SMPD4: variants seen among roughly 807,000 people sequenced by gnomAD.
SMPD4 encodes the protein sphingomyelin phosphodiesterase 4, also known as neutral sphingomyelinase 3.
A neutral mutation model predicts 97.8 loss-of-function variants in SMPD4; 58 were observed. The observed-to-expected ratio is 0.59, with a 90% CI of 0.48 to 0.74. The LOEUF is 0.74. SMPD4 is among the 30% of genes least tolerant of loss of function. The pLI is 0.00. For synonymous variants in SMPD4, 388 were observed against 450.0 expected, an observed-to-expected ratio of 0.86 and a Z score of 1.74; for missense variants, 853 against 1,080.5, an observed-to-expected ratio of 0.79 and a Z score of 2.95.
In SMPD4 at chr2:130,153,123, C is replaced by T; in HGVS notation, c.2074G>A (p.Glu692Lys). ...RFEIEYQGDPELQPIRSYEIA... is the reference protein window; with the variant it reads ...RFEIEYQGDPKLQPIRSYEIA... ...TCATAGCTCCGGATGGGCTGCAGCT[C>T]CGGGTCCCCCTGGTACTCAATTTCA... is the stretch of plus-strand genomic sequence containing the variant. Residue 692 changes from glutamate (E) to lysine (K), a missense_variant, in exon 19 of 20, where the codon GAG (glutamate) becomes AAG (lysine). Physicochemically the swap from Glu to Lys is moderately conservative, Grantham distance 56. Coordinates refer to ENST00000680298, the MANE Select transcript of SMPD4 (RefSeq NM_017951.5). 6.2e-7 allele frequency: 1 copy of T among 1,613,870 alleles called. No individual in the cohort carries two copies. The highest frequency in any genetic ancestry group is 8.5e-7 in the Non-Finnish European group (1 of 1,180,010).
At chr2:130,166,233 T>C (rs1322437962) in intron 9 of SMPD4, among the ~76,000 whole-genome samples, 1 of 137,716 alleles carries the variant, frequency 7.3e-6, no homozygotes, top group Non-Finnish European at 1.5e-5. Flanking sequence ...CACCTGAACC[T>C]GAGAGGTGAA....
chr2:130,176,313 T>C (rs1438754081), intron 2 of SMPD4, among the ~76,000 whole-genome samples: 3 of 152,240 alleles, frequency 2.0e-5, no homozygotes, highest in African/African-American at 4.8e-5. Context: ...CCTTGGGAAG[T>C]AGAGAAAATA....
upstream of SMPD4, chr2:130,181,684 G>A (rs956576165): frequency 6.5e-7 from 1 of 1,548,488 alleles, no homozygotes; most frequent in Non-Finnish European, 8.7e-7. Context: ...AAAGGCGCGT[G>A]CGCAAAGCGA....
At chr2:130,172,192 C>T (rs957261275) in intron 8 of SMPD4, among the ~76,000 whole-genome samples, 157 bp downstream of exon 8, 1 of 152,356 alleles carries the variant, frequency 6.6e-6, no homozygotes, top group East Asian at 1.9e-4. Flanking sequence ...ATACCCCACC[C>T]TCCAGTCTGT....
At position 130,152,882 on chromosome 2, in the gene SMPD4, A is replaced by G. The variant is rs760331169; in HGVS notation, c.2157T>C (p.Phe719=). The G allele has an allele frequency of 7.0e-6, 11 of 1,581,392 alleles. No homozygotes were observed. The highest frequency in any genetic ancestry group is 3.5e-4 in the Middle Eastern group (2 of 5,788). The change falls in exon 20 of 20, where the codon TTT becomes TTC. Residue 719 remains phenylalanine, a splice_region_variant and synonymous_variant. Transcript: ENST00000680298. The part of the protein sequence containing the change: ...FRLSSAINHR[F]AGQMAALCSR... ...AACACAGAGCCGCCATCTGTCCTGC[A>G]AACTGAAGCACAGACAGAGGCACGG...
At chr2:130,163,836 G>A (rs1206741290) in intron 10 of SMPD4, among the ~76,000 whole-genome samples, 1 of 152,222 alleles carries the variant, frequency 6.6e-6, no homozygotes, top group Non-Finnish European at 1.5e-5. Context: ...AGGGACAGGC[G>A]AGGCGGAGGG....
chr2:130,169,319 C>T (rs1273571141), intron 8 of SMPD4, among the ~76,000 whole-genome samples: 3 of 152,190 alleles, frequency 2.0e-5, no homozygotes, highest in Non-Finnish European at 4.4e-5. Context: ...AACATCACTG[C>T]ACACAGTGTG....
Position 130,154,298 on chromosome 2 carries a change from A to T in SMPD4, c.1638T>A (p.Phe546Leu), listed in dbSNP as rs1283715394. ...EGQDCKYTPMFGPEARTLVLR... is the reference protein window; with the variant it reads ...EGQDCKYTPMLGPEARTLVLR... ...TCACCAGGGTGCGGGCCTCGGGCCC[A>T]AACATCGGGGTGTACTTGCAGTCCT... The change falls in exon 16 of 20, where the codon TTT becomes TTA. Residue 546 changes from phenylalanine to leucine, a missense_variant. Physicochemically the swap from Phe to Leu is conservative, Grantham distance 22. This residue lies in a region of SMPD4 where 511 missense variants were observed against 608.1 expected (regional missense o/e 0.84). Coordinates refer to ENST00000680298, the MANE Select transcript of SMPD4 (RefSeq NM_017951.5). 6.2e-7 allele frequency: 1 copy of T among 1,607,840 alleles called. No homozygotes were observed. Among genetic ancestry groups the T allele is most frequent in the Non-Finnish European group, 8.5e-7 (1 of 1,176,678 alleles).
chr2:130,170,969 G>C (rs956928004), intron 8 of SMPD4, among the ~76,000 whole-genome samples: 1 of 151,836 alleles, frequency 6.6e-6, no homozygotes, highest in African/African-American at 2.4e-5. Context: ...GCTGAGGTGG[G>C]AGAATCACTT....
rs373022859 is a variant in SMPD4 at position 130,172,476 on chromosome 2, G to C, written c.532C>G (p.Arg178Gly). The change falls in exon 8 of 20, where the codon CGT (arginine) becomes GGT (glycine). Residue 178 changes from arginine (R) to glycine (G), a missense_variant. Physicochemically the swap from Arg to Gly is moderately radical, Grantham distance 125. Coordinates refer to ENST00000680298, the MANE Select transcript of SMPD4 (RefSeq NM_017951.5). ...QKPLPVSLHV[R>G]TSDCAYFILV... ...ATGAAATAGGCACAGTCTGAAGTACGGACGTGGAGGGACACAGGAAGTGGC... is the reference window on the plus strand; with the variant it reads ...ATGAAATAGGCACAGTCTGAAGTACCGACGTGGAGGGACACAGGAAGTGGC... 14 of 1,611,334 alleles carry C rather than the reference G, an allele frequency of 8.7e-6. No individual in the cohort carries two copies. The highest frequency in any genetic ancestry group is 1.2e-5 in the Non-Finnish European group (14 of 1,178,220).
chr2:130,176,043 A>C (rs1258902971), intron 2 of SMPD4, among the ~76,000 whole-genome samples: 1 of 151,678 alleles, frequency 6.6e-6, no homozygotes, highest in African/African-American at 2.4e-5. Flanking sequence ...GGCTGGTCTC[A>C]AACTCTTGGG....
At position 130,154,409 on chromosome 2, in the gene SMPD4, G is replaced by T. The variant is rs1385336880; in HGVS notation, c.1527C>A (p.Phe509Leu). 6.3e-7 allele frequency: 1 copy of T among 1,597,798 alleles called. No homozygotes were observed. The highest frequency in any genetic ancestry group is 1.3e-5 in the African/African-American group (1 of 74,312). ...RQHRLFTAPT[F>L]TGSFLSPWPP... ...GCCAGGGTGACAGGAAGCTCCCAGT[G>T]AATGTGGGGGCCGTGAAGAGTCGGT... The change falls in exon 16 of 20, where the codon TTC becomes TTA. Residue 509 changes from phenylalanine (F) to leucine (L), a missense_variant. By Grantham distance (22) the Phe-to-Leu change is conservative. Around this residue, in one of 3 missense-constraint regions of SMPD4, gnomAD observed 511 missense variants for 608.1 expected, o/e 0.84. Transcript: ENST00000680298.
chr2:130,173,684 G>A, intron 3 of SMPD4, 28 bp from the exon 4 acceptor site: 1 of 1,613,322 alleles, frequency 6.2e-7, no homozygotes, highest in East Asian at 2.2e-5. Flanking sequence ...GAAGCCGCGT[G>A]CAGGACCAGC....
At chr2:130,155,395 G>C in intron 14 of SMPD4, 136 bp from the exon 15 acceptor site, 1 of 1,222,272 alleles carries the variant, frequency 8.2e-7, no homozygotes, top group Non-Finnish European at 1.1e-6. Context: ...AGCTGTCACA[G>C]ATGACAGCTC....
chr2:130,152,939 G>C, intron 19 of SMPD4, 55 bp from the exon 20 acceptor site: 1 of 1,560,010 alleles, frequency 6.4e-7, no homozygotes, highest in South Asian at 1.2e-5. Context: ...CAGGCCTCAG[G>C]ACAGCAGTAC....
chr2:130,154,658 G>T (rs905789179), intron 15 of SMPD4, 176 bp from the exon 16 acceptor site: 5 of 760,296 alleles, frequency 6.6e-6, no homozygotes, highest in Middle Eastern at 3.3e-4. Context: ...TGGGGAGGGC[G>T]GATGGGGGAG....
chr2:130,162,910 G>A (rs947871618), intron 10 of SMPD4, among the ~76,000 whole-genome samples: 3 of 152,224 alleles, frequency 2.0e-5, no homozygotes, highest in Non-Finnish European at 4.4e-5. Context: ...CCACCCCAAG[G>A]TCTGGCCAAG....
intron 8 of SMPD4, among the ~76,000 whole-genome samples, chr2:130,169,297 G>A (rs1029430815): frequency 6.6e-6 from 1 of 152,174 alleles, no homozygotes; most frequent in African/African-American, 2.4e-5. Flanking sequence ...TATACAGTGG[G>A]TGAGCCTGTG....
intron 9 of SMPD4, among the ~76,000 whole-genome samples, chr2:130,166,342 G>C (rs1355343283): frequency 6.8e-6 from 1 of 147,422 alleles, no homozygotes; most frequent in South Asian, 2.2e-4. Context: ...AAATGCTTTG[G>C]CCCAGGGAAC....
Sources: gnomAD v4.1 joint callset for allele counts (sites outside exome capture counted in the v4.1 genomes callset) on GRCh38, gnomAD v4.1.1 for gene constraint, gnomAD v4.1.1 regional missense constraint, MANE v1.5 for transcripts, NCBI Gene and HGNC (gene_info 2026-07-23, HGNC 2026-07-21) for gene names.